CYP7B1: variants seen among roughly 807,000 people sequenced by gnomAD.
The protein encoded by CYP7B1 is cytochrome P450 family 7 subfamily B member 1, also known as cytochrome P450 7B1.
CYP7B1 carries 29 observed loss-of-function variants against 42.7 expected under a neutral mutation model. That is an observed-to-expected ratio of 0.68 (90% CI 0.51 to 0.93). CYP7B1 has a LOEUF of 0.93. CYP7B1 is among the 40% of genes least tolerant of loss of function. CYP7B1 has a pLI of 0.00. For synonymous variants in CYP7B1, 235 were observed against 218.2 expected, an observed-to-expected ratio of 1.08 and a Z score of -0.68; for missense variants, 655 against 600.5, an observed-to-expected ratio of 1.09 and a Z score of -0.95.
At chr8:64,712,135 T>C in intron 1 of CYP7B1, among the ~76,000 whole-genome samples, 1 of 152,198 alleles carries the variant, frequency 6.6e-6, no homozygotes, top group South Asian at 2.1e-4. Context: ...ACATTTGTAG[T>C]TGTAGCTCAT....
At chr8:64,683,484 C>T (rs1806570790) in intron 1 of CYP7B1, among the ~76,000 whole-genome samples, 1 of 151,380 alleles carries the variant, frequency 6.6e-6, no homozygotes, top group African/African-American at 2.4e-5. Flanking sequence ...TTAATGGGTA[C>T]AAAAAAATAG....
At chr8:64,614,761 T>C (rs561997492) in intron 4 of CYP7B1, among the ~76,000 whole-genome samples, 11 of 152,336 alleles carry the variant, frequency 7.2e-5, no homozygotes, top group South Asian at 2.1e-4. Flanking sequence ...AATGATTTAA[T>C]AGGCATAAAC....
intron 1 of CYP7B1, among the ~76,000 whole-genome samples, chr8:64,790,700 A>G (rs1804603295): frequency 6.6e-6 from 1 of 152,228 alleles, no homozygotes; most frequent in African/African-American, 2.4e-5. Context: ...GAGTGTTTAC[A>G]ATATCTGATT....
chr8:64,670,420 G>A (rs977328912), intron 1 of CYP7B1, among the ~76,000 whole-genome samples: 2 of 151,840 alleles, frequency 1.3e-5, no homozygotes, highest in African/African-American at 4.8e-5. Flanking sequence ...AAAAAGATAG[G>A]CTTCTGCCAT....
Position 64,624,502 on chromosome 8 carries a change from G to A in CYP7B1, c.160C>T (p.Pro54Ser), listed in dbSNP as rs867209693. 2 of 1,612,874 alleles carry A rather than the reference G, an allele frequency of 1.2e-6. No individual in the cohort carries two copies. Among genetic ancestry groups the A allele is most frequent in the Admixed American group, 3.3e-5 (2 of 59,900 alleles). Residue 54 changes from proline (P) to serine (S), a missense_variant, in exon 2 of 6, where the codon CCT becomes TCT. Physicochemically the swap from Pro to Ser is moderately conservative, Grantham distance 74 (BLOSUM62 -1). Transcript: ENST00000310193. ...AAGTTCAGGACCACTCCAAGATAAG[G>A]AAGCCAACCTTTTATCAATGGAGGC... Reference protein sequence around the residue: ...GEPPLIKGWLPYLGVVLNLRK... With the variant: ...GEPPLIKGWLSYLGVVLNLRK...
Position 64,593,572 on chromosome 8 carries a change from G to T in CYP7B1, c.*3070C>A, listed in dbSNP as rs1379832673. On this transcript the variant is annotated 3_prime_UTR_variant, in exon 6 of 6. Transcript: ENST00000310193. ...AAGCTGAAATTTTAAGGTGATCTGAGTTTGGTAGTAGTATCAGCAGTCTGA... is the reference window on the plus strand; with the variant it reads ...AAGCTGAAATTTTAAGGTGATCTGATTTTGGTAGTAGTATCAGCAGTCTGA... 6.6e-6 allele frequency among the ~76,000 whole-genome samples: 1 copy of T among 152,146 alleles called. No homozygotes were observed. The highest frequency in any genetic ancestry group is 1.5e-5 in the Non-Finnish European group (1 of 68,042).
intron 1 of CYP7B1, among the ~76,000 whole-genome samples, chr8:64,763,869 C>T (rs944088941): frequency 1.1e-4 from 17 of 152,210 alleles, no homozygotes; most frequent in Middle Eastern, 3.2e-3. Context: ...TCCTGGGTCC[C>T]GACCATGACT....
rs932761893 is a variant in CYP7B1, at chr8:64,595,935, A to G, written c.*707T>C. The stretch of plus-strand genomic sequence containing the variant: ...GTCTAGGGCAATTTCTGAATATATA[A>G]TAGGTTCTGTGTTTTCTTATACATT... On this transcript the variant is annotated 3_prime_UTR_variant, in exon 6 of 6. Transcript: ENST00000310193. 2.6e-5 allele frequency among the ~76,000 whole-genome samples: 4 copies of G among 152,222 alleles called. No homozygotes were observed. Among genetic ancestry groups the G allele is most frequent in the African/African-American group, 9.6e-5 (4 of 41,466 alleles).
chr8:64,663,259 C>T (rs553167954), intron 1 of CYP7B1, among the ~76,000 whole-genome samples: 1 of 152,292 alleles, frequency 6.6e-6, no homozygotes, highest in South Asian at 2.1e-4. Context: ...AGTGAGGAAT[C>T]ATATATTGAT....
chr8:64,732,582 T>C (rs751919620), intron 1 of CYP7B1, among the ~76,000 whole-genome samples: 9 of 152,152 alleles, frequency 5.9e-5, no homozygotes, highest in East Asian at 1.9e-4. Flanking sequence ...TAAGTTACGA[T>C]GTTGGGGAAC....
At chr8:64,785,856 C>T (rs1472678095) in intron 1 of CYP7B1, among the ~76,000 whole-genome samples, 5 of 152,092 alleles carry the variant, frequency 3.3e-5, no homozygotes, top group African/African-American at 4.8e-5. Context: ...GTTTAATTGA[C>T]GCACAGTTCC....
chr8:64,648,368 T>A (rs1276679187), intron 1 of CYP7B1, among the ~76,000 whole-genome samples: 1 of 152,232 alleles, frequency 6.6e-6, no homozygotes, highest in South Asian at 2.1e-4. Context: ...CAAAGGAATA[T>A]GGTTGTTAAA....
At chr8:64,732,518 T>A (rs528728611) in intron 1 of CYP7B1, among the ~76,000 whole-genome samples, 2 of 152,278 alleles carry the variant, frequency 1.3e-5, no homozygotes, top group South Asian at 4.2e-4. Context: ...GCGGAAGGGA[T>A]TTGCCTTGTT....
intron 1 of CYP7B1, among the ~76,000 whole-genome samples, chr8:64,660,354 T>C (rs1806183544): frequency 6.6e-6 from 1 of 152,222 alleles, no homozygotes; most frequent in Non-Finnish European, 1.5e-5. Context: ...ATGACGTCTG[T>C]GTGTCAGCAT....
chr8:64,751,880 T>C (rs1383999643), intron 1 of CYP7B1, among the ~76,000 whole-genome samples: 1 of 152,188 alleles, frequency 6.6e-6, no homozygotes, highest in Non-Finnish European at 1.5e-5. Flanking sequence ...GACCTTTTAA[T>C]CTCTCTAATA....
chr8:64,629,052 C>A (rs1805649593), intron 1 of CYP7B1, among the ~76,000 whole-genome samples: 1 of 151,972 alleles, frequency 6.6e-6, no homozygotes, highest in Non-Finnish European at 1.5e-5. Flanking sequence ...ATAGTGAAAC[C>A]CCGTCTCAAC....
At chr8:64,763,084 A>G (rs1391549176) in intron 1 of CYP7B1, among the ~76,000 whole-genome samples, 1 of 151,710 alleles carries the variant, frequency 6.6e-6, no homozygotes, top group East Asian at 1.9e-4. Flanking sequence ...GCCGTCCACC[A>G]CTGCTGTTTG....
intron 1 of CYP7B1, among the ~76,000 whole-genome samples, chr8:64,711,294 A>G (rs1807075534): frequency 6.6e-6 from 1 of 152,192 alleles, no homozygotes; most frequent in East Asian, 1.9e-4. Flanking sequence ...CTATTTGTAT[A>G]CAACTCACAG....
chr8:64,762,051 T>C (rs1201073688), intron 1 of CYP7B1, among the ~76,000 whole-genome samples: 1 of 152,156 alleles, frequency 6.6e-6, no homozygotes, highest in Non-Finnish European at 1.5e-5. Context: ...GTCTTTAGTT[T>C]GCTAAAACTG....
Sources: gnomAD v4.1 joint callset for allele counts (sites outside exome capture counted in the v4.1 genomes callset) on GRCh38, gnomAD v4.1.1 for gene constraint, MANE v1.5 for transcripts, NCBI Gene and HGNC (gene_info 2026-07-23, HGNC 2026-07-21) for gene names.